Variants in ASXL3 observed in about 807,000 individuals in gnomAD.
ASXL3 encodes the protein ASXL transcriptional regulator 3.
In ASXL3, 34 loss-of-function variants were observed where a neutral mutation model predicts 170.6. That is an observed-to-expected ratio of 0.20 (90% CI 0.15 to 0.27). ASXL3 has a LOEUF of 0.27. ASXL3 is among the 10% of genes least tolerant of loss of function. The pLI, the probability that ASXL3 is intolerant of heterozygous loss-of-function variation, is 1.00. For missense variants in ASXL3, 2,592 were observed against 2,695.3 expected (o/e 0.96, Z 0.85); for synonymous variants, 1,002 against 989.1 (o/e 1.01, Z -0.24).
rs1344160179 is a variant in ASXL3, at chr18:33,646,254, T to G, written c.256T>G (p.Ser86Ala). Reference sequence around the variant, plus strand: ...TTTCAAAATAATACAGAAAGAGGAGTCGTCATGCCCAGCAGATGGCACGTT... The same window carrying G: ...TTTCAAAATAATACAGAAAGAGGAGGCGTCATGCCCAGCAGATGGCACGTT... The part of the protein sequence containing the change: ...SGLYALKKEE[S>A]SCPADGTLDL... The change falls in exon 4 of 12, where the codon TCG (serine) becomes GCG (alanine). Residue 86 changes from serine to alanine, a missense_variant. Ser to Ala is a moderately conservative substitution (Grantham distance 99). This residue lies in a region of ASXL3 where 251 missense variants were observed against 281.9 expected (regional missense o/e 0.89). Coordinates refer to ENST00000269197, the MANE Select transcript of ASXL3 (RefSeq NM_030632.3). The G allele has an allele frequency of 5.6e-6, 9 of 1,610,390 alleles. No homozygotes were observed. Among genetic ancestry groups the G allele is most frequent in the Non-Finnish European group, 7.6e-6 (9 of 1,177,682 alleles).
At chr18:33,682,733 G>A (rs543565951) in intron 7 of ASXL3, among the ~76,000 whole-genome samples, 29 of 152,148 alleles carry the variant, frequency 1.9e-4, no homozygotes, top group African/African-American at 6.3e-4. Flanking sequence ...ATTTTTGTGT[G>A]TGCAGATGTG....
chr18:33,654,214 G>A (rs772532616), intron 4 of ASXL3, among the ~76,000 whole-genome samples: 22 of 151,938 alleles, frequency 1.4e-4, no homozygotes, highest in Non-Finnish European at 1.0e-4. Context: ...TAAAACTAAA[G>A]ATTGAGAACA....
chr18:33,680,102 T>A (rs902197124), intron 7 of ASXL3, among the ~76,000 whole-genome samples: 1 of 152,030 alleles, frequency 6.6e-6, no homozygotes, highest in African/African-American at 2.4e-5. Flanking sequence ...TACCCTCTAA[T>A]ATATGCAGTT....
intron 4 of ASXL3, among the ~76,000 whole-genome samples, chr18:33,654,898 T>C (rs1406946880): frequency 2.6e-5 from 4 of 152,058 alleles, no homozygotes; most frequent in Non-Finnish European, 5.9e-5. Flanking sequence ...TAAGGAGATA[T>C]TTTTATGAAT....
intron 2 of ASXL3, among the ~76,000 whole-genome samples, chr18:33,635,243 A>T (rs1352382151): frequency 6.6e-6 from 1 of 152,220 alleles, no homozygotes; most frequent in Non-Finnish European, 1.5e-5. Context: ...GCCTAGAAAA[A>T]TAGTCAGCTT....
chr18:33,646,944 A>G (rs1309750717), intron 4 of ASXL3, among the ~76,000 whole-genome samples: 2 of 149,816 alleles, frequency 1.3e-5, no homozygotes, highest in Non-Finnish European at 3.0e-5. Flanking sequence ...CTTCCTTAAG[A>G]CAATTATATT....
chr18:33,648,660 C>T (rs934463578), intron 4 of ASXL3, among the ~76,000 whole-genome samples: 5 of 151,874 alleles, frequency 3.3e-5, no homozygotes, highest in Admixed American at 6.6e-5. Context: ...AGACAGGAAA[C>T]TGGATGACAT....
intron 2 of ASXL3, among the ~76,000 whole-genome samples, chr18:33,615,701 A>T (rs2065411709): frequency 6.6e-6 from 1 of 152,202 alleles, no homozygotes; most frequent in Admixed American, 6.6e-5. Context: ...GTGATTAATC[A>T]AAAGCTACAG....
chr18:33,643,101 G>A (rs758336699), intron 2 of ASXL3, among the ~76,000 whole-genome samples: 6 of 151,766 alleles, frequency 4.0e-5, no homozygotes, highest in African/African-American at 1.4e-4. Context: ...AAGTCCCTAC[G>A]GAAAGTCTGT....
chr18:33,714,796 A>C (rs185560769), intron 8 of ASXL3, among the ~76,000 whole-genome samples: 1 of 152,188 alleles, frequency 6.6e-6, no homozygotes, highest in East Asian at 1.9e-4. Context: ...TACTAGGGGA[A>C]GGACCTGTGC....
At position 33,743,171 on chromosome 18, in the gene ASXL3, C is replaced by G. The variant is rs768541353; in HGVS notation, c.3323C>G (p.Ala1108Gly). 2 of 1,613,950 alleles carry G rather than the reference C, an allele frequency of 1.2e-6. No homozygotes were observed. The highest frequency in any genetic ancestry group is 8.5e-7 in the Non-Finnish European group (1 of 1,179,876). ...TLAHIKEQTKAKLFAKHQARA... is the reference protein window; with the variant it reads ...TLAHIKEQTKGKLFAKHQARA... The stretch of plus-strand genomic sequence containing the variant: ...GCACACATCAAAGAGCAGACAAAGG[C>G]TAAGCTCTTTGCAAAGCATCAAGCT... The change falls in exon 12 of 12, where the codon GCT becomes GGT. Residue 1108 changes from alanine to glycine, a missense_variant. Coordinates refer to ENST00000269197, the MANE Select transcript of ASXL3 (RefSeq NM_030632.3).
chr18:33,672,310 T>C (rs2066356117), intron 7 of ASXL3, among the ~76,000 whole-genome samples: 1 of 152,200 alleles, frequency 6.6e-6, no homozygotes, highest in Non-Finnish European at 1.5e-5. Context: ...TCCTTGCTTT[T>C]TGTCTATGCT....
In ASXL3 at chr18:33,745,267, G is replaced by A. The variant is rs781048573; in HGVS notation, c.5419G>A (p.Gly1807Ser). ...EIPPSSPNPD[G>S]KGYLAGTLAP... ...TCCGCCCAGCTCTCCAAATCCAGAT[G>A]GTAAGGGCTACTTGGCAGGGACTCT... The change falls in exon 12 of 12, where the codon GGT (glycine) becomes AGT (serine). Residue 1807 changes from glycine (G) to serine (S), a missense_variant. Physicochemically the swap from Gly to Ser is moderately conservative, Grantham distance 56 (BLOSUM62 0). This residue lies in a region of ASXL3 where 2,246 missense variants were observed against 2,219.6 expected (regional missense o/e 1.01). Coordinates refer to ENST00000269197, the MANE Select transcript of ASXL3 (RefSeq NM_030632.3). 1.9e-6 allele frequency: 3 copies of A among 1,613,860 alleles called. No individual in the cohort carries two copies. In the African/African-American group the frequency reaches 4.0e-5, roughly 22 times the overall value.
At chr18:33,681,036 C>CT (rs955615885) in intron 7 of ASXL3, among the ~76,000 whole-genome samples, 29 of 148,388 alleles carry the variant, frequency 2.0e-4, no homozygotes, top group Non-Finnish European at 2.8e-4. Context: ...AATTATAATT[C>CT]TTTTTTTTTT....
chr18:33,628,802 A>G (rs1419532566), intron 2 of ASXL3, among the ~76,000 whole-genome samples: 2 of 152,172 alleles, frequency 1.3e-5, no homozygotes, highest in Non-Finnish European at 2.9e-5. Context: ...AACATGGTAC[A>G]TATGACAGAG....
chr18:33,670,662 A>T lies in ASXL3; in HGVS notation c.478-11A>T. The T allele has an allele frequency of 6.6e-7, 1 of 1,505,540 alleles. No homozygotes were observed. The allele number at this position is 1,505,540 out of a possible 1,614,324, so 93.3% of individuals were successfully genotyped here. A position where few individuals can be genotyped will look rare whatever the true frequency, so the allele number is the denominator to read the frequency against. ...TATTTTTATGTTATATCTTTTTATT[A>T]TGTTTTGTAGGCTTTGAGGCAGCAG... On this transcript the variant is annotated splice_polypyrimidine_tract_variant and intron_variant, in intron 5 of 11. Transcript: ENST00000269197.
intron 8 of ASXL3, among the ~76,000 whole-genome samples, chr18:33,718,467 T>C (rs2067203391): frequency 6.6e-6 from 1 of 151,786 alleles, no homozygotes; most frequent in African/African-American, 2.4e-5. Context: ...CGGTTGGGAG[T>C]GAGTGAGGTT....
intron 5 of ASXL3, among the ~76,000 whole-genome samples, chr18:33,663,599 G>A (rs1047116370): frequency 6.6e-6 from 1 of 152,034 alleles, no homozygotes; most frequent in Non-Finnish European, 1.5e-5. Context: ...GCTTCTTAAT[G>A]TCCTGAAAGA....
intron 1 of ASXL3, among the ~76,000 whole-genome samples, chr18:33,584,698 A>G (rs1406206127): frequency 6.6e-6 from 1 of 152,066 alleles, no homozygotes; most frequent in African/African-American, 2.4e-5. Flanking sequence ...TCCCTAAAAT[A>G]CCCTCTTGAG....
Sources: gnomAD v4.1 joint callset for allele counts (sites outside exome capture counted in the v4.1 genomes callset) on GRCh38, gnomAD v4.1.1 for gene constraint, gnomAD v4.1.1 regional missense constraint, MANE v1.5 for transcripts, NCBI Gene and HGNC (gene_info 2026-07-23, HGNC 2026-07-21) for gene names.